The following LGI2 variants were observed in gnomAD, a reference collection of about 807,000 sequenced individuals.
LGI2 encodes the protein leucine rich repeat LGI family member 2.
A neutral mutation model predicts 52.0 loss-of-function variants in LGI2; 30 were observed. That is an observed-to-expected ratio of 0.58 (90% CI 0.43 to 0.78). The LOEUF (loss-of-function observed/expected upper bound fraction) is 0.78. LGI2 is among the 30% of genes least tolerant of loss of function. The pLI, the probability that LGI2 is intolerant of heterozygous loss-of-function variation, is 0.00. For synonymous variants in LGI2, 270 were observed against 271.8 expected (o/e 0.99, Z 0.06); for missense variants, 573 against 692.5 (o/e 0.83, Z 1.94).
chr4:25,022,700 C>A (rs979286295), intron 4 of LGI2, among the ~76,000 whole-genome samples: 4 of 152,106 alleles, frequency 2.6e-5, no homozygotes, highest in African/African-American at 9.7e-5. Flanking sequence ...TCCATGCACC[C>A]GAGGACACTT....
chr4:25,019,821 G>C (rs1725897428), intron 4 of LGI2, among the ~76,000 whole-genome samples: 1 of 152,062 alleles, frequency 6.6e-6, no homozygotes, highest in Non-Finnish European at 1.5e-5. Flanking sequence ...CCATCATTTG[G>C]TACACTACAT....
chr4:25,004,195 A>C lies in LGI2; in HGVS notation c.894T>G (p.Gly298=). The C allele has an allele frequency of 6.2e-7, 1 of 1,614,198 alleles. No individual in the cohort carries two copies. Among genetic ancestry groups the C allele is most frequent in the East Asian group, 2.2e-5 (1 of 44,884 alleles). The stretch of plus-strand genomic sequence containing the variant: ...CGTCGTATTTGTAAATGTGAGAGCC[A>C]CCGAAGAGCTGGGCTACCACCACAA... ...QVFVVVAQLF[G]GSHIYKYDES... The change falls in exon 8 of 8, where the codon GGT becomes GGG. Residue 298 remains glycine, a synonymous_variant. Coordinates refer to ENST00000382114, the MANE Select transcript of LGI2 (RefSeq NM_018176.4). This position sits in a 1 kb window ranked among gnomAD's most constrained non-coding sequence, Gnocchi z 4.6.
At position 25,000,937 on chromosome 4, in the gene LGI2, A is replaced by T. The variant is rs1725222771; in HGVS notation, c.*2514T>A. Reference sequence around the variant, plus strand: ...AAGATATCACCACCCCGTGCCAAGAACATCTATGCTCCTTTAGTAAGTTGG... The same window carrying T: ...AAGATATCACCACCCCGTGCCAAGATCATCTATGCTCCTTTAGTAAGTTGG... On this transcript the variant is annotated 3_prime_UTR_variant, in exon 8 of 8. Transcript: ENST00000382114. The T allele has an allele frequency of 6.6e-6, 1 of 152,228 alleles. No homozygotes were observed. The highest frequency in any genetic ancestry group is 6.5e-5 in the Admixed American group (1 of 15,284). The allele number at this position is 152,228 out of a possible 1,614,324, so 9.4% of individuals were successfully genotyped here.
downstream of LGI2, among the ~76,000 whole-genome samples, chr4:24,994,658 GTTAGGAAACCCATCTACA>G (rs926849843): frequency 2.0e-5 from 3 of 152,168 alleles, no homozygotes; most frequent in Admixed American, 2.0e-4. Flanking sequence ...GGGGGTCGGT[GTTAGGAAACCCATCTACA>G]TGCAGATAAT....
chr4:24,993,173 TA>T, the LGI2 span, among the ~76,000 whole-genome samples: 2 of 152,228 alleles, frequency 1.3e-5, no homozygotes, highest in Admixed American at 1.3e-4. Flanking sequence ...GGCACTGGGC[TA>T]GGGCTAAAGA....
intron 4 of LGI2, among the ~76,000 whole-genome samples, chr4:25,023,441 G>A (rs576195131): frequency 1.1e-4 from 17 of 152,228 alleles, no homozygotes; most frequent in African/African-American, 2.4e-4. Context: ...CAGATGTTTC[G>A]GCCTCCCATG....
Position 25,004,229 on chromosome 4 carries a change from T to C in LGI2, c.860A>G (p.Asp287Gly). ...CTGGGCTACCACCACAAAGACCTGATCATCGATGAGAATGGCCTTACAGCC... is the reference window on the plus strand; with the variant it reads ...CTGGGCTACCACCACAAAGACCTGACCATCGATGAGAATGGCCTTACAGCC... ...IVGCKAILID[D>G]QVFVVVAQLF... is the part of the protein sequence containing the mutation. The change falls in exon 8 of 8, where the codon GAT (aspartate) becomes GGT (glycine). Residue 287 changes from aspartate (D) to glycine (G), a missense_variant. Asp to Gly is a moderately conservative substitution (Grantham distance 94). Transcript: ENST00000382114. The surrounding 1 kb of genome is among the most constrained non-coding windows in gnomAD (Gnocchi z 4.6). The C allele has an allele frequency of 6.2e-7, 1 of 1,614,072 alleles. No homozygotes were observed. Among genetic ancestry groups the C allele is most frequent in the Non-Finnish European group, 8.5e-7 (1 of 1,179,990 alleles).
intron 6 of LGI2, 150 bp from the exon 7 acceptor site, chr4:25,012,649 AT>A: frequency 2.6e-6 from 2 of 775,776 alleles, no homozygotes; most frequent in Non-Finnish European, 4.1e-6. Context: ...ATCACAGCGT[AT>A]TTTACTCTGG....
chr4:24,992,516 C>T, the LGI2 span, among the ~76,000 whole-genome samples: 1 of 151,498 alleles, frequency 6.6e-6, no homozygotes, highest in African/African-American at 2.4e-5. Context: ...GAGTTTGAGA[C>T]CAGCCTGGCC....
At chr4:24,996,429 C>G (rs1725082594), downstream of LGI2, among the ~76,000 whole-genome samples, 1 of 152,076 alleles carries the variant, frequency 6.6e-6, no homozygotes, top group South Asian at 2.1e-4. Flanking sequence ...TCCAAAGAGG[C>G]AGGAAAATGA....
intron 7 of LGI2, among the ~76,000 whole-genome samples, chr4:25,010,736 A>G (rs1725555007): frequency 6.6e-6 from 1 of 152,198 alleles, no homozygotes; most frequent in African/African-American, 2.4e-5. Context: ...GGGATAAACT[A>G]GGCCCTGGTG....
chr4:25,020,082 G>A (rs758373243), intron 4 of LGI2, among the ~76,000 whole-genome samples: 2 of 152,140 alleles, frequency 1.3e-5, no homozygotes, highest in African/African-American at 2.4e-5. Context: ...TCTATTACTC[G>A]TGATTCTAAG....
chr4:25,008,982 G>A (rs978167857), intron 7 of LGI2, among the ~76,000 whole-genome samples: 2 of 152,160 alleles, frequency 1.3e-5, no homozygotes, highest in African/African-American at 4.8e-5. Context: ...GCTTGCCTGG[G>A]TTCCGGATTC....
At chr4:25,014,152 C>T (rs577677489) in intron 6 of LGI2, among the ~76,000 whole-genome samples, 9 of 152,326 alleles carry the variant, frequency 5.9e-5, no homozygotes, top group South Asian at 4.1e-4. Context: ...ACTCCCGTGA[C>T]GCCCATAACT....
At chr4:25,007,830 G>A (rs909228764) in intron 7 of LGI2, among the ~76,000 whole-genome samples, 1 of 152,184 alleles carries the variant, frequency 6.6e-6, no homozygotes, top group African/African-American at 2.4e-5. Flanking sequence ...TGGTCACCAG[G>A]CCTGCAAAGG....
intron 6 of LGI2, among the ~76,000 whole-genome samples, chr4:25,013,944 C>T (rs1199807281): frequency 2.0e-5 from 3 of 152,198 alleles, no homozygotes; most frequent in Non-Finnish European, 2.9e-5. Flanking sequence ...CTGCACAAGA[C>T]TTTGCTGGTT....
Position 25,024,824 on chromosome 4 carries a change from G to T in LGI2, c.409C>A (p.His137Asn). 6.2e-7 allele frequency: 1 copy of T among 1,602,868 alleles called. No individual in the cohort carries two copies. The highest frequency in any genetic ancestry group is 8.5e-7 in the Non-Finnish European group (1 of 1,174,234). Residue 137 changes from histidine to asparagine, a missense_variant, in exon 4 of 8, where the codon CAC (histidine) becomes AAC (asparagine). By Grantham distance (68) the His-to-Asn change is moderately conservative. Transcript: ENST00000382114. ...NAFRGLRDLT[H>N]LSLANNHIKA... ...AATACTTTTCATAGGACTTACAGGTGAGTCAGGTCACGGAGGCCACGAAAG... is the reference window on the plus strand; with the variant it reads ...AATACTTTTCATAGGACTTACAGGTTAGTCAGGTCACGGAGGCCACGAAAG...
At chr4:24,992,828 C>G in the LGI2 span, among the ~76,000 whole-genome samples, 21 of 152,186 alleles carry the variant, frequency 1.4e-4, no homozygotes, top group African/African-American at 1.9e-4. Context: ...TCCACATGCT[C>G]TCCTTGAAAT....
At chr4:25,030,419 G>A in intron 1 of LGI2, 78 bp downstream of exon 1, 3 of 1,473,442 alleles carry the variant, frequency 2.0e-6, no homozygotes, top group Non-Finnish European at 2.8e-6. Flanking sequence ...CGCTGGCCCG[G>A]CGCCAGAGGC....
Sources: gnomAD v4.1 joint callset for allele counts (sites outside exome capture counted in the v4.1 genomes callset) on GRCh38, gnomAD v4.1.1 for gene constraint, Gnocchi (gnomAD v3.1) non-coding constraint, MANE v1.5 for transcripts, NCBI Gene and HGNC (gene_info 2026-07-23, HGNC 2026-07-21) for gene names.